FBN1: variants seen among roughly 807,000 people sequenced by gnomAD.
FBN1 encodes fibrillin-1.
Under a neutral mutation model 365.1 loss-of-function variants are expected in FBN1, and 29 were observed. The observed-to-expected ratio is 0.08, with a 90% CI of 0.06 to 0.11. FBN1 has a LOEUF of 0.11. Among genes scored for constraint, FBN1 ranks in the 10% least tolerant of loss-of-function variants. The pLI is 1.00. For missense variants in FBN1, 2,476 were observed against 3,703.2 expected, an observed-to-expected ratio of 0.67 and a Z score of 8.60; for synonymous variants, 1,210 against 1,270.5, an observed-to-expected ratio of 0.95 and a Z score of 1.01.
At chr15:48,643,667 A>G (rs1001398099) in intron 2 of FBN1, 1 of 152,208 alleles carries the variant, frequency 6.6e-6, no homozygotes, top group African/African-American at 2.4e-5. Context: ...AATGGTAAGA[A>G]TTTAATACAA....
rs11070641 is a variant in FBN1 at position 48,408,832 on chromosome 15, C to T, written c.*2158G>A. On this transcript the variant is annotated 3_prime_UTR_variant, in exon 66 of 66. Coordinates refer to ENST00000316623, the MANE Select transcript of FBN1 (RefSeq NM_000138.5). Reference sequence around the variant, plus strand: ...TCCACTGTGTGCCAACTCCATTTTCCCCTGTTGTTTGTTATAAAGAAAATC... The same window carrying T: ...TCCACTGTGTGCCAACTCCATTTTCTCCTGTTGTTTGTTATAAAGAAAATC... 0.76 allele frequency: 115,382 copies of T among 152,508 alleles called. 43,875 individuals carry two copies. The highest frequency in any genetic ancestry group is 0.89 in the East Asian group (4,594 of 5,180). 9.4% of individuals were successfully genotyped at this position (152,508 alleles called of 1,614,324 possible).
At chr15:48,572,480 T>TA (rs1398603310) in intron 6 of FBN1, among the ~76,000 whole-genome samples, 11 of 151,004 alleles carry the variant, frequency 7.3e-5, no homozygotes, top group African/African-American at 2.7e-4. Context: ...CCAGAAACAG[T>TA]AAAAAAATTT....
At position 48,495,109 on chromosome 15, in the gene FBN1, T is replaced by C. The variant is rs1309423203; in HGVS notation, c.2677+14A>G. On this transcript the variant is annotated intron_variant, in intron 22 of 65. Coordinates refer to ENST00000316623, the MANE Select transcript of FBN1 (RefSeq NM_000138.5). ...TTGGAGTGGTATAGGAACCACAGCA[T>C]GGGTTTCTCTTACCAACTTGGCATA... 2.5e-6 allele frequency: 4 copies of C among 1,613,864 alleles called. No homozygotes were observed. In the African/African-American group the frequency reaches 4.0e-5, roughly 16 times the overall value.
chr15:48,615,335 T>C (rs960850263), intron 2 of FBN1, among the ~76,000 whole-genome samples: 11 of 152,136 alleles, frequency 7.2e-5, no homozygotes, highest in Non-Finnish European at 1.2e-4. Context: ...GTCACAGTCA[T>C]AGTGTCTGAC....
chr15:48,570,951 A>G (rs1263583850), intron 6 of FBN1, among the ~76,000 whole-genome samples: 1 of 152,164 alleles, frequency 6.6e-6, no homozygotes, highest in African/African-American at 2.4e-5. Flanking sequence ...GCCTAAGGAA[A>G]ATGGTCTGTT....
Position 48,631,658 on chromosome 15 carries a change from C to T in FBN1, c.164+12948G>A, listed in dbSNP as rs77255940. Among the ~76,000 whole-genome samples, 926 of 152,210 alleles carry T rather than the reference C, an allele frequency of 6.1e-3. 9 individuals carry two copies. The highest frequency in any genetic ancestry group is 0.022 in the African/African-American group (894 of 41,526). On this transcript the variant is annotated intron_variant, in intron 2 of 65. Transcript: ENST00000316623. ...ACTGGGGCAGTGCTGGAGTTCTCCG[C>T]GAGATCTGACATGAGCAATCTGGAA...
chr15:48,425,731 A>G lies in FBN1; in HGVS notation c.7330+8T>C. 1 of 1,613,022 alleles carries G rather than the reference A, an allele frequency of 6.2e-7. No homozygotes were observed. Among genetic ancestry groups the G allele is most frequent in the South Asian group, 1.1e-5 (1 of 91,066 alleles). On this transcript the variant is annotated splice_region_variant and intron_variant, in intron 59 of 65. Transcript: ENST00000316623. The stretch of plus-strand genomic sequence containing the variant: ...CTTGAGGATAAGCCATCAGAAATAG[A>G]CACTTACCTACACAGGAAGTCCCAG...
intron 41 of FBN1, among the ~76,000 whole-genome samples, chr15:48,463,547 C>T (rs1426457236): frequency 2.0e-5 from 3 of 152,210 alleles, no homozygotes; most frequent in Non-Finnish European, 4.4e-5. Flanking sequence ...TCCCTACTGC[C>T]ATTTGGCAAT....
chr15:48,534,353 G>T (rs1597591880), intron 7 of FBN1, 148 bp from the exon 8 acceptor site: 1 of 798,300 alleles, frequency 1.3e-6, no homozygotes, highest in East Asian at 2.6e-5. Context: ...TATGATTAGA[G>T]AAACTGTTTC....
chr15:48,573,754 G>A (rs1030174717), intron 6 of FBN1, among the ~76,000 whole-genome samples: 1 of 152,192 alleles, frequency 6.6e-6, no homozygotes, highest in Non-Finnish European at 1.5e-5. Context: ...CCAGACTGAG[G>A]CTTTGACTGA....
At chr15:48,417,473 C>CTTCCTTCCTTCCTTCCTTCCTTCCT (rs1350236230) in intron 63 of FBN1, among the ~76,000 whole-genome samples, 38 of 103,874 alleles carry the variant, frequency 3.7e-4, no homozygotes, top group East Asian at 3.5e-3. Flanking sequence ...CCTTCCTTTC[C>CTTCCTTCCTTCCTTCCTTCCTTCCT]TTCCTTCCTT....
intron 19 of FBN1, among the ~76,000 whole-genome samples, chr15:48,496,703 TATGATTA>T (rs1321830950): frequency 6.6e-6 from 1 of 152,230 alleles, no homozygotes; most frequent in East Asian, 1.9e-4. Flanking sequence ...TGTCTCCAGG[TATGATTA>T]TAAAGTACAA....
intron 2 of FBN1, among the ~76,000 whole-genome samples, chr15:48,628,275 G>C (rs1443532059): frequency 6.6e-6 from 1 of 150,488 alleles, no homozygotes; most frequent in Non-Finnish European, 1.5e-5. Context: ...AATCACTAAG[G>C]TTGTACTTGT....
rs1270425478 is a variant in FBN1 at position 48,428,343 on chromosome 15, C to T, written c.6997+3G>A. ...AGGAAAGTGCGGTGCCAACTGTACT[C>T]ACCAAGGCACTCGTCCTGGTTGGGG... On this transcript the variant is annotated splice_donor_region_variant and intron_variant, in intron 57 of 65. Coordinates refer to ENST00000316623, the MANE Select transcript of FBN1 (RefSeq NM_000138.5). 4 of 1,613,968 alleles carry T rather than the reference C, an allele frequency of 2.5e-6. No individual in the cohort carries two copies. The Admixed American group carries it at 5.0e-5, about 20-fold the overall frequency.
intron 22 of FBN1, 114 bp from the exon 23 acceptor site, chr15:48,494,368 G>T (rs1758165404): frequency 1.2e-6 from 1 of 800,678 alleles, no homozygotes; most frequent in Non-Finnish European, 2.2e-6. Flanking sequence ...ACATGAAGTA[G>T]ATTGTGTTGC....
intron 6 of FBN1, among the ~76,000 whole-genome samples, chr15:48,577,348 G>T (rs776573003): frequency 2.6e-5 from 4 of 152,150 alleles, no homozygotes; most frequent in Non-Finnish European, 4.4e-5. Context: ...AGGCATGAGG[G>T]TACATATTTA....
intron 42 of FBN1, among the ~76,000 whole-genome samples, chr15:48,461,865 A>G (rs2043282416): frequency 6.6e-6 from 1 of 152,238 alleles, no homozygotes; most frequent in Admixed American, 6.5e-5. Context: ...TAACTTTCAT[A>G]TTATGAAATA....
intron 44 of FBN1, among the ~76,000 whole-genome samples, chr15:48,455,837 GT>G (rs199519630): frequency 2.5e-4 from 37 of 149,486 alleles, no homozygotes; most frequent in East Asian, 7.8e-4. Flanking sequence ...AGACAAAAAA[GT>G]TTTTTTTTTA....
In FBN1 at chr15:48,415,746, G is replaced by A; in HGVS notation, c.7841C>T (p.Ala2614Val). The A allele has an allele frequency of 6.2e-7, 1 of 1,614,176 alleles. No homozygotes were observed. The highest frequency in any genetic ancestry group is 8.5e-7 in the Non-Finnish European group (1 of 1,179,988). Reference protein sequence around the residue: ...QCVDENECLSAHICGGASCHN... With the variant: ...QCVDENECLSVHICGGASCHN... ...ACAGGAGGCTCCTCCGCAGATGTGA[G>A]CGCTGAGGCATTCGTTTTCATCTGC... is the stretch of plus-strand genomic sequence containing the variant. The change falls in exon 64 of 66, where the codon GCT becomes GTT. Residue 2614 changes from alanine to valine, a missense_variant. Physicochemically the swap from Ala to Val is moderately conservative, Grantham distance 64. Around this residue, in one of 5 missense-constraint regions of FBN1, gnomAD observed 1,780 missense variants for 2,840.8 expected, o/e 0.63. Coordinates refer to ENST00000316623, the MANE Select transcript of FBN1 (RefSeq NM_000138.5).
Sources: allele counts gnomAD v4.1 joint callset (sites outside exome capture counted in the v4.1 genomes callset), GRCh38; gene constraint gnomAD v4.1.1; regional missense constraint gnomAD v4.1.1; transcripts MANE v1.5; gene names NCBI Gene and HGNC (gene_info 2026-07-23, HGNC 2026-07-21).